LDAF1: variants seen among roughly 807,000 people sequenced by gnomAD.
LDAF1 encodes lipid droplet assembly factor 1.
LDAF1 carries 7 observed loss-of-function variants against 13.5 expected under a neutral mutation model. That is an observed-to-expected ratio of 0.52 (90% CI 0.29 to 0.97). LDAF1 has a LOEUF of 0.97. Ranked by LOEUF, LDAF1 falls within the 50% of genes least tolerant of loss-of-function variation. The probability of loss-of-function intolerance (pLI) is 0.07; values close to 1 mark genes in which losing one functional copy is unlikely to be tolerated. For missense variants in LDAF1, 148 were observed against 193.2 expected, an observed-to-expected ratio of 0.77 and a Z score of 1.39; for synonymous variants, 69 against 77.1, an observed-to-expected ratio of 0.89 and a Z score of 0.55.
At chr16:21,159,239 C>G (rs1333164224) in intron 1 of LDAF1, 5 of 1,227,558 alleles carry the variant, frequency 4.1e-6, no homozygotes, top group Non-Finnish European at 6.0e-6. Context: ...TTCTTTACCC[C>G]CAAATTAATA....
At chr16:21,165,567 T>G (rs1358652739) in intron 2 of LDAF1, 1 of 983,272 alleles carries the variant, frequency 1.0e-6, no homozygotes, top group African/African-American at 1.7e-5. Flanking sequence ...CCCTCCCCCT[T>G]CTCTTCCCTC....
chr16:21,162,326 C>G (rs977138639), intron 2 of LDAF1, among the ~76,000 whole-genome samples: 6 of 152,130 alleles, frequency 3.9e-5, no homozygotes, highest in Non-Finnish European at 7.4e-5. Context: ...TTTTACACTT[C>G]TAGCACATTT....
intron 4 of LDAF1, among the ~76,000 whole-genome samples, chr16:21,174,479 G>A (rs916088719): frequency 6.6e-6 from 1 of 152,010 alleles, no homozygotes; most frequent in Non-Finnish European, 1.5e-5. Context: ...CTACAGGCAT[G>A]AGCCACCACA....
At chr16:21,167,198 T>C (rs1357927055) in intron 2 of LDAF1, among the ~76,000 whole-genome samples, 1 of 152,246 alleles carries the variant, frequency 6.6e-6, no homozygotes, top group Non-Finnish European at 1.5e-5. Context: ...CCTCCTGCCT[T>C]CCAACTCGCC....
intron 4 of LDAF1, chr16:21,179,073 T>C (rs556968586): frequency 4.6e-4 from 90 of 197,704 alleles, no homozygotes; most frequent in African/African-American, 2.0e-3. Context: ...TCAGAAGATA[T>C]GGTCTGAATC....
Position 21,179,566 on chromosome 16 carries a change from C to T in LDAF1, c.*10C>T, listed in dbSNP as rs1380148073. 6.2e-7 allele frequency: 1 copy of T among 1,611,204 alleles called. No homozygotes were observed. Among genetic ancestry groups the T allele is most frequent in the Non-Finnish European group, 8.5e-7 (1 of 1,177,594 alleles). ...GCTTTACCAGGAATGAGTGACTGCT[C>T]AGAGGCCGGGCTTCTTTTCAAGTAC... On this transcript the variant is annotated 3_prime_UTR_variant, in exon 5 of 5. Coordinates refer to ENST00000233047, the MANE Select transcript of LDAF1 (RefSeq NM_001301771.2).
rs1477237518 is a variant in LDAF1 at position 21,173,016 on chromosome 16, C to T, written c.266-994C>T. Reference sequence around the variant, plus strand: ...CCTTCTACCTTTTATTCTTTTCCCCCCCACAGGCCCCACATTATGAAAAAA... The same window carrying T: ...CCTTCTACCTTTTATTCTTTTCCCCTCCACAGGCCCCACATTATGAAAAAA... On this transcript the variant is annotated intron_variant, in intron 3 of 4. Coordinates refer to ENST00000233047, the MANE Select transcript of LDAF1 (RefSeq NM_001301771.2). Among the ~76,000 whole-genome samples, 5 of 152,242 alleles carry T rather than the reference C, an allele frequency of 3.3e-5. 1 individual carries two copies. The highest frequency in any genetic ancestry group is 3.3e-4 in the Admixed American group (5 of 15,286).
At chr16:21,173,969 G>GT in intron 3 of LDAF1, 41 bp from the exon 4 acceptor site, 1 of 1,593,154 alleles carries the variant, frequency 6.3e-7, no homozygotes, top group Non-Finnish European at 8.5e-7. Context: ...TTTTCAACCT[G>GT]TTTGAGATGA....
intron 2 of LDAF1, among the ~76,000 whole-genome samples, chr16:21,164,275 A>C (rs545293403): frequency 3.0e-4 from 46 of 151,918 alleles, no homozygotes; most frequent in Non-Finnish European, 5.9e-4. Flanking sequence ...ACAGAGTCTC[A>C]CTCTGTCTTC....
chr16:21,173,020 C>T (rs1045872309), intron 3 of LDAF1, among the ~76,000 whole-genome samples: 1 of 152,128 alleles, frequency 6.6e-6, no homozygotes, highest in Non-Finnish European at 1.5e-5. Context: ...TTCCCCCCCA[C>T]AGGCCCCACA....
chr16:21,175,625 T>G (rs1263495679), intron 4 of LDAF1, among the ~76,000 whole-genome samples: 1 of 152,220 alleles, frequency 6.6e-6, no homozygotes, highest in Non-Finnish European at 1.5e-5. Flanking sequence ...CATGGCTGTG[T>G]TCCAGTAAAA....
chr16:21,174,960 G>C, intron 4 of LDAF1, among the ~76,000 whole-genome samples: 1 of 152,092 alleles, frequency 6.6e-6, no homozygotes, highest in East Asian at 1.9e-4. Context: ...ATAGATTTTT[G>C]TTCCTACAAT....
chr16:21,164,419 T>C (rs1047214401), intron 2 of LDAF1, among the ~76,000 whole-genome samples: 4 of 152,086 alleles, frequency 2.6e-5, no homozygotes, highest in African/African-American at 9.7e-5. Context: ...TAATGTTTTA[T>C]TTTATTTTTT....
chr16:21,179,298 A>AT, intron 4 of LDAF1, 177 bp from the exon 5 acceptor site: 1 of 962,806 alleles, frequency 1.0e-6, no homozygotes, highest in Non-Finnish European at 1.2e-6. Flanking sequence ...TAACCTGGTC[A>AT]TTTTAACCTC....
At chr16:21,165,604 A>G (rs1164765516) in intron 2 of LDAF1, 12 of 983,790 alleles carry the variant, frequency 1.2e-5, no homozygotes, top group African/African-American at 3.5e-5. Flanking sequence ...ACTTGACCAC[A>G]GTATATCTTG....
intron 2 of LDAF1, among the ~76,000 whole-genome samples, chr16:21,168,570 AAATAT>A (rs939078401): frequency 1.4e-4 from 20 of 144,236 alleles, no homozygotes; most frequent in South Asian, 8.4e-4. Flanking sequence ...ATACATATAT[AAATAT>A]AATATATTTA....
intron 2 of LDAF1, among the ~76,000 whole-genome samples, chr16:21,169,961 TATC>T (rs997303897): frequency 6.6e-6 from 1 of 151,748 alleles, no homozygotes; most frequent in African/African-American, 2.4e-5. Flanking sequence ...TTATTCTTAT[TATC>T]ATTTTTGAGA....
intron 2 of LDAF1, among the ~76,000 whole-genome samples, chr16:21,168,006 CAA>C (rs746968001): frequency 1.7e-5 from 2 of 119,602 alleles, no homozygotes; most frequent in Non-Finnish European, 1.8e-5. Context: ...AACTCCATCT[CAA>C]AAAAAAAAAA....
intron 1 of LDAF1, chr16:21,159,524 G>A: frequency 2.3e-6 from 3 of 1,284,556 alleles, no homozygotes; most frequent in East Asian, 4.6e-5. Flanking sequence ...GGGTGGGAGG[G>A]CCAGGAGATT....
Sources: gnomAD v4.1 joint callset for allele counts (sites outside exome capture counted in the v4.1 genomes callset) on GRCh38, gnomAD v4.1.1 for gene constraint, MANE v1.5 for transcripts, NCBI Gene and HGNC (gene_info 2026-07-23, HGNC 2026-07-21) for gene names.